The following SEMA6D variants were observed in gnomAD, a reference collection of about 807,000 sequenced individuals.
The protein encoded by SEMA6D is semaphorin-6D.
Under a neutral mutation model 106.6 loss-of-function variants are expected in SEMA6D, and 35 were observed. The observed-to-expected ratio is 0.33, with a 90% CI of 0.25 to 0.44. The LOEUF (loss-of-function observed/expected upper bound fraction) is 0.44. SEMA6D is among the 20% of genes least tolerant of loss of function. The pLI is 1.00. For missense variants in SEMA6D, 1,185 were observed against 1,345.9 expected (o/e 0.88, Z 1.87); for synonymous variants, 499 against 487.7 (o/e 1.02, Z -0.31).
At chr15:47,630,850 T>C (rs2077280838) in intron 4 of SEMA6D, among the ~76,000 whole-genome samples, 1 of 151,958 alleles carries the variant, frequency 6.6e-6, no homozygotes, top group Non-Finnish European at 1.5e-5. Context: ...TCAATTGATA[T>C]GATCGTGTGA....
At chr15:47,627,505 A>G (rs2077223585) in intron 4 of SEMA6D, among the ~76,000 whole-genome samples, 1 of 152,288 alleles carries the variant, frequency 6.6e-6, no homozygotes, top group East Asian at 1.9e-4. Context: ...GTAAAATGGG[A>G]TAATAATCAC....
chr15:47,287,969 C>T (rs928849625), intron 1 of SEMA6D, among the ~76,000 whole-genome samples: 3 of 152,036 alleles, frequency 2.0e-5, no homozygotes, highest in Non-Finnish European at 4.4e-5. Flanking sequence ...TGGTTTTTCA[C>T]ATGACAAAAG....
chr15:47,761,019 C>T lies in SEMA6D; in HGVS notation c.263C>T (p.Thr88Ile). 1 of 1,613,534 alleles carries T rather than the reference C, an allele frequency of 6.2e-7. No homozygotes were observed. ...GTAAACTTAAATGAAATGCCCAAAACAGAAGTAATACCCAACAAGGTGAGC... is the reference window on the plus strand; with the variant it reads ...GTAAACTTAAATGAAATGCCCAAAATAGAAGTAATACCCAACAAGGTGAGC... ...YTVNLNEMPK[T>I]EVIPNKKLTW... Residue 88 changes from threonine to isoleucine, a missense_variant, in exon 4 of 19, where the codon ACA becomes ATA. Transcript: ENST00000536845.
chr15:47,760,884 A>G, intron 3 of SEMA6D, 94 bp from the exon 4 acceptor site: 1 of 1,141,144 alleles, frequency 8.8e-7, no homozygotes, highest in Admixed American at 2.5e-5. Flanking sequence ...GATCTCTAAA[A>G]CACAATAAAG....
At chr15:47,473,874 T>C (rs2042926340) in intron 3 of SEMA6D, among the ~76,000 whole-genome samples, 1 of 152,090 alleles carries the variant, frequency 6.6e-6, no homozygotes, top group African/African-American at 2.4e-5. Context: ...AGTGACTATA[T>C]TGTGATGGTG....
At chr15:47,317,250 T>A (rs1417100275) in intron 1 of SEMA6D, among the ~76,000 whole-genome samples, 2 of 152,166 alleles carry the variant, frequency 1.3e-5, no homozygotes, top group African/African-American at 4.8e-5. Context: ...ACTGGAGTTA[T>A]GGCCCCTCTT....
intron 2 of SEMA6D, among the ~76,000 whole-genome samples, chr15:47,416,068 C>T (rs1465085750): frequency 5.9e-5 from 9 of 152,092 alleles, no homozygotes; most frequent in African/African-American, 1.9e-4. Flanking sequence ...GAAATACCAA[C>T]CAAGAGTATC....
At chr15:47,219,094 A>G (rs2030947267) in intron 1 of SEMA6D, among the ~76,000 whole-genome samples, 1 of 152,222 alleles carries the variant, frequency 6.6e-6, no homozygotes, top group South Asian at 2.1e-4. Flanking sequence ...TAAACTTGCT[A>G]CTTGAAGAAG....
At chr15:47,633,972 C>T (rs560447968) in intron 4 of SEMA6D, among the ~76,000 whole-genome samples, 9 of 152,216 alleles carry the variant, frequency 5.9e-5, no homozygotes, top group African/African-American at 1.4e-4. Context: ...CATTTCCATT[C>T]GGTCTTTTTA....
At chr15:47,488,590 G>T (rs893960771) in intron 3 of SEMA6D, among the ~76,000 whole-genome samples, 2 of 152,094 alleles carry the variant, frequency 1.3e-5, no homozygotes, top group Non-Finnish European at 2.9e-5. Flanking sequence ...CTTCAAACAT[G>T]TAGGGCAATA....
At chr15:47,264,644 A>G (rs1218046267) in intron 1 of SEMA6D, among the ~76,000 whole-genome samples, 3 of 152,062 alleles carry the variant, frequency 2.0e-5, no homozygotes, top group African/African-American at 7.2e-5. Context: ...ACACTATTAA[A>G]TAGAAATAGC....
At chr15:47,424,190 T>A (rs2041258964) in intron 2 of SEMA6D, among the ~76,000 whole-genome samples, 1 of 152,058 alleles carries the variant, frequency 6.6e-6, no homozygotes, top group Non-Finnish European at 1.5e-5. Flanking sequence ...GAAAGTGCAC[T>A]CGAAACATCC....
At chr15:47,207,314 C>T (rs1245636971) in intron 1 of SEMA6D, among the ~76,000 whole-genome samples, 1 of 152,088 alleles carries the variant, frequency 6.6e-6, no homozygotes, top group Non-Finnish European at 1.5e-5. Flanking sequence ...TCCTCTGTGC[C>T]ACTATGGTAA....
chr15:47,333,795 G>T (rs926928348), intron 1 of SEMA6D, among the ~76,000 whole-genome samples: 2 of 152,152 alleles, frequency 1.3e-5, no homozygotes, highest in Non-Finnish European at 2.9e-5. Flanking sequence ...GTTATGATAG[G>T]TATATTGATT....
chr15:47,761,211 C>T lies in SEMA6D; in HGVS notation c.336C>T (p.Gly112=). The T allele has an allele frequency of 6.2e-7, 1 of 1,613,706 alleles. No homozygotes were observed. Among genetic ancestry groups the T allele is most frequent in the Non-Finnish European group, 8.5e-7 (1 of 1,179,802 alleles). ...QQDRENCAMK[G]KHKDECHNFI... is the part of the protein sequence containing the mutation. ...ATCGAGAAAACTGTGCTATGAAAGG[C>T]AAGCATAAAGTGAGTGAAACAGAAA... The change falls in exon 5 of 19, where the codon GGC becomes GGT. Residue 112 remains glycine (G), a synonymous_variant. Transcript: ENST00000536845.
intron 2 of SEMA6D, among the ~76,000 whole-genome samples, chr15:47,428,795 C>T (rs1160826490): frequency 6.6e-6 from 1 of 151,790 alleles, no homozygotes; most frequent in Non-Finnish European, 1.5e-5. Flanking sequence ...AGATGGGTTT[C>T]TTATGATTTT....
intron 3 of SEMA6D, among the ~76,000 whole-genome samples, chr15:47,538,336 G>T (rs188097593): frequency 6.6e-6 from 1 of 152,096 alleles, no homozygotes; most frequent in African/African-American, 2.4e-5. Context: ...AAGAAGTTGG[G>T]TGTTGATACA....
At chr15:47,212,657 G>C (rs34480933) in intron 1 of SEMA6D, among the ~76,000 whole-genome samples, 70,855 of 152,006 alleles carry the variant, frequency 0.47, 19,215 homozygotes, top group East Asian at 0.83. Context: ...CACATTTTCT[G>C]TTTGCTGTCC....
intron 1 of SEMA6D, among the ~76,000 whole-genome samples, chr15:47,309,304 A>G (rs886304960): frequency 6.6e-6 from 1 of 152,180 alleles, no homozygotes; most frequent in Non-Finnish European, 1.5e-5. Flanking sequence ...GCTGTCCTCC[A>G]TCCTGTTCTG....
Sources: allele counts gnomAD v4.1 joint callset (sites outside exome capture counted in the v4.1 genomes callset), GRCh38; gene constraint gnomAD v4.1.1; transcripts MANE v1.5; gene names NCBI Gene and HGNC (gene_info 2026-07-23, HGNC 2026-07-21).